CSE1L: variants seen among roughly 807,000 people sequenced by gnomAD.
CSE1L encodes the protein chromosome segregation 1 like.
In CSE1L, 24 loss-of-function variants were observed where a neutral mutation model predicts 120.4. That is an observed-to-expected ratio of 0.20 (90% CI 0.14 to 0.28). The LOEUF is 0.28. Among genes scored for constraint, CSE1L ranks in the 10% least tolerant of loss-of-function variants. CSE1L has a pLI of 1.00. For synonymous variants in CSE1L, 402 were observed against 398.3 expected, an observed-to-expected ratio of 1.01 and a Z score of -0.11; for missense variants, 830 against 1,145.2, an observed-to-expected ratio of 0.72 and a Z score of 3.97.
In CSE1L at chr20:49,058,568, TTTGG is replaced by T; in HGVS notation, c.85+24_85+27del. The T allele has an allele frequency of 6.3e-7, 1 of 1,595,902 alleles. No individual in the cohort carries two copies. Among genetic ancestry groups the T allele is most frequent in the Non-Finnish European group, 8.6e-7 (1 of 1,164,260 alleles). On this transcript the variant is annotated intron_variant, in intron 2 of 24. Coordinates refer to ENST00000262982, the MANE Select transcript of CSE1L (RefSeq NM_001316.4). The stretch of plus-strand genomic sequence containing the variant: ...GTCCAGGTAAAGAAAATAAACGTTT[TTTGG>T]TTGATTAATTCCTTCAGGACAGGTG...
At chr20:49,046,531 C>G (rs1415795639) in intron 1 of CSE1L, 108 bp downstream of exon 1, 1 of 152,432 alleles carries the variant, frequency 6.6e-6, no homozygotes, top group Non-Finnish European at 1.5e-5. Context: ...AGAACCGCGC[C>G]TCTGGGCGAG....
chr20:49,092,921 T>C (rs2092112958), intron 22 of CSE1L, among the ~76,000 whole-genome samples: 1 of 152,206 alleles, frequency 6.6e-6, no homozygotes, highest in African/African-American at 2.4e-5. Context: ...CACAGCAGAA[T>C]TTTTCAAATG....
chr20:49,093,279 A>G lies in CSE1L; in HGVS notation c.2448-861A>G, dbSNP rs537505489. 5.9e-5 allele frequency among the ~76,000 whole-genome samples: 9 copies of G among 152,344 alleles called. 1 individual carries two copies. The South Asian group carries it at 1.7e-3, about 28-fold the overall frequency. ...AATGTATGCACTTTTTATCCAGAGC[A>G]TTAGAATTGCCATACCCTTTGAGCC... is the stretch of plus-strand genomic sequence containing the variant. On this transcript the variant is annotated intron_variant, in intron 22 of 24. Transcript: ENST00000262982.
intron 1 of CSE1L, among the ~76,000 whole-genome samples, chr20:49,052,915 T>A (rs1022416843): frequency 6.6e-6 from 1 of 152,128 alleles, no homozygotes; most frequent in Admixed American, 6.6e-5. Flanking sequence ...GACAAGTAAT[T>A]ATGAGGAATC....
intron 8 of CSE1L, 108 bp from the exon 9 acceptor site, chr20:49,072,178 G>T: frequency 8.4e-7 from 1 of 1,185,622 alleles, no homozygotes; most frequent in South Asian, 1.5e-5. Flanking sequence ...TAACTGATTT[G>T]ATTTGGATTT....
chr20:49,087,283 T>A (rs1318790243), intron 16 of CSE1L, among the ~76,000 whole-genome samples: 1 of 151,872 alleles, frequency 6.6e-6, no homozygotes, highest in Admixed American at 6.6e-5. Context: ...CAGTTTCCTG[T>A]AGTTTGTGAT....
At chr20:49,053,415 A>G (rs1206043937) in intron 1 of CSE1L, among the ~76,000 whole-genome samples, 4 of 127,396 alleles carry the variant, frequency 3.1e-5, no homozygotes, top group Non-Finnish European at 4.6e-5. Context: ...CTGGAGTGCA[A>G]TGGCGCAATC....
At chr20:49,061,766 G>A (rs930254090) in intron 2 of CSE1L, among the ~76,000 whole-genome samples, 4 of 151,524 alleles carry the variant, frequency 2.6e-5, no homozygotes, top group Non-Finnish European at 5.9e-5. Context: ...GCCTCCCATA[G>A]TGCTGGGATT....
At chr20:49,068,402 C>T (rs967877950) in intron 6 of CSE1L, among the ~76,000 whole-genome samples, 10 of 152,002 alleles carry the variant, frequency 6.6e-5, no homozygotes, top group Non-Finnish European at 4.4e-5. Flanking sequence ...CCATGGCTAA[C>T]GTGGTGAAAC....
chr20:49,057,759 G>A (rs1159463029), intron 1 of CSE1L, among the ~76,000 whole-genome samples: 1 of 152,034 alleles, frequency 6.6e-6, no homozygotes, highest in Non-Finnish European at 1.5e-5. Flanking sequence ...AGCCTCCCAA[G>A]TAGCTGAGAT....
chr20:49,074,222 CT>C (rs200689109), intron 10 of CSE1L, among the ~76,000 whole-genome samples: 3 of 121,052 alleles, frequency 2.5e-5, no homozygotes, highest in Non-Finnish European at 3.3e-5. Context: ...TGTGTGTAGA[CT>C]TTTTTTTTTT....
At chr20:49,068,652 C>A (rs115720522) in intron 6 of CSE1L, 63 bp from the exon 7 acceptor site, 4 of 1,056,260 alleles carry the variant, frequency 3.8e-6, no homozygotes, top group African/African-American at 1.6e-5. Flanking sequence ...AAGGCTGTTT[C>A]ACTAAGATCA....
intron 8 of CSE1L, 30 bp from the exon 9 acceptor site, chr20:49,072,256 T>C: frequency 6.2e-7 from 1 of 1,609,618 alleles, no homozygotes; most frequent in Non-Finnish European, 8.5e-7. Context: ...TAGAGTTGTA[T>C]GTTGGAGTTT....
chr20:49,064,387 G>A (rs2091875395), intron 3 of CSE1L, among the ~76,000 whole-genome samples: 1 of 152,154 alleles, frequency 6.6e-6, no homozygotes, highest in Admixed American at 6.6e-5. Flanking sequence ...AAGCCTGTAT[G>A]ATTTCTCAAG....
At chr20:49,067,158 G>A in intron 5 of CSE1L, 32 bp from the exon 6 acceptor site, 2 of 1,386,018 alleles carry the variant, frequency 1.4e-6, no homozygotes, top group Non-Finnish European at 2.0e-6. Flanking sequence ...AAAAAAACTT[G>A]TAAATTTATC....
intron 22 of CSE1L, among the ~76,000 whole-genome samples, chr20:49,092,756 T>G (rs757983927): frequency 3.3e-5 from 5 of 151,918 alleles, no homozygotes; most frequent in Non-Finnish European, 5.9e-5. Flanking sequence ...ACTTGGCACA[T>G]GTATACATAT....
At chr20:49,051,032 C>T (rs1215855835) in intron 1 of CSE1L, among the ~76,000 whole-genome samples, 1 of 152,150 alleles carries the variant, frequency 6.6e-6, no homozygotes, top group Non-Finnish European at 1.5e-5. Flanking sequence ...TTGTAAGGCT[C>T]TAGGGAGAGA....
chr20:49,061,407 C>T (rs1056344085), intron 2 of CSE1L, among the ~76,000 whole-genome samples: 10 of 151,374 alleles, frequency 6.6e-5, no homozygotes, highest in East Asian at 5.8e-4. Context: ...CTCCTGACCT[C>T]GTGATCCACC....
At chr20:49,092,012 C>G (rs1193319748) in intron 21 of CSE1L, 34 bp from the exon 22 acceptor site, 1 of 1,193,590 alleles carries the variant, frequency 8.4e-7, no homozygotes, top group African/African-American at 1.5e-5. Flanking sequence ...TGCGTGAGTT[C>G]TCTATGCTGA....
Sources: gnomAD v4.1 joint callset for allele counts (sites outside exome capture counted in the v4.1 genomes callset) on GRCh38, gnomAD v4.1.1 for gene constraint, MANE v1.5 for transcripts, NCBI Gene and HGNC (gene_info 2026-07-23, HGNC 2026-07-21) for gene names.